The following PCDH15 variants were observed in gnomAD, a reference collection of about 807,000 sequenced individuals.
PCDH15 encodes the protein protocadherin-15.
Under a neutral mutation model 178.5 loss-of-function variants are expected in PCDH15, and 129 were observed. That is an observed-to-expected ratio of 0.72 (90% CI 0.63 to 0.84). The LOEUF (loss-of-function observed/expected upper bound fraction) is 0.84, where lower values mean the gene tolerates loss of function less well. Ranked by LOEUF, PCDH15 falls within the 40% of genes least tolerant of loss-of-function variation. PCDH15 has a pLI of 0.00. For missense variants in PCDH15, 2,230 were observed against 2,099.9 expected (o/e 1.06, Z -1.21); for synonymous variants, 800 against 732.0 (o/e 1.09, Z -1.50).
At chr10:54,019,225 A>G (rs2135269694) in intron 20 of PCDH15, among the ~76,000 whole-genome samples, 1 of 152,238 alleles carries the variant, frequency 6.6e-6, no homozygotes, top group Admixed American at 6.5e-5. Context: ...TTTACAATGT[A>G]CCATGATAGT....
chr10:53,959,059 G>C (rs1280928283), intron 23 of PCDH15, among the ~76,000 whole-genome samples: 1 of 147,962 alleles, frequency 6.8e-6, no homozygotes, highest in African/African-American at 2.5e-5. Context: ...TGTTATGGCT[G>C]CCTCAGTTGA....
chr10:54,002,197 C>G (rs1039845159), intron 20 of PCDH15, among the ~76,000 whole-genome samples: 4 of 151,212 alleles, frequency 2.6e-5, no homozygotes, highest in Non-Finnish European at 5.9e-5. Flanking sequence ...ATATATAAAG[C>G]GAATATTATT....
At position 54,195,845 on chromosome 10, in the gene PCDH15, T is replaced by C; in HGVS notation, c.1143A>G (p.Leu381=). The C allele has an allele frequency of 6.2e-7, 1 of 1,614,058 alleles. No homozygotes were observed. Residue 381 remains leucine, a synonymous_variant, in exon 11 of 38, where the codon CTA becomes CTG. Transcript: ENST00000644397. ...NGHPLPAFAG[L]HIEILDENNQ... ...TGTTTTCATCCAGTATTTCAATGTG[T>C]AGACCGGCAAAGGCAGGAAGAGGAT...
chr10:54,915,679 C>T (rs1261311472), intron 2 of PCDH15, among the ~76,000 whole-genome samples: 1 of 152,104 alleles, frequency 6.6e-6, no homozygotes, highest in Non-Finnish European at 1.5e-5. Context: ...AAGTATATTT[C>T]AAGGACAGGC....
intron 6 of PCDH15, among the ~76,000 whole-genome samples, chr10:54,334,682 AACACACACACACAC>A (rs3069761): frequency 0.011 from 1,664 of 150,154 alleles, 29 homozygotes; most frequent in African/African-American, 0.034. Context: ...ATTTCTAAAG[AACACACACACACAC>A]ACACACACAC....
At chr10:54,708,550 T>A (rs1303945188) in intron 1 of PCDH15, among the ~76,000 whole-genome samples, 1 of 152,222 alleles carries the variant, frequency 6.6e-6, no homozygotes, top group Admixed American at 6.5e-5. Flanking sequence ...TGACATTCTA[T>A]TACAGCAGCC....
intron 2 of PCDH15, among the ~76,000 whole-genome samples, chr10:55,093,746 G>C (rs7089547): frequency 0.46 from 69,172 of 151,996 alleles, 19,632 homozygotes; most frequent in African/African-American, 0.8. Context: ...TGAATAGACA[G>C]TTCTCAAAAG....
At chr10:55,161,197 C>CA (rs1460753477) in intron 2 of PCDH15, among the ~76,000 whole-genome samples, 1 of 152,050 alleles carries the variant, frequency 6.6e-6, no homozygotes, top group Non-Finnish European at 1.5e-5. Flanking sequence ...TTATTCTCTG[C>CA]AAAAAGTTAT....
chr10:54,965,509 C>A (rs969375774), intron 2 of PCDH15, among the ~76,000 whole-genome samples: 5 of 151,592 alleles, frequency 3.3e-5, no homozygotes, highest in Admixed American at 1.3e-4. Context: ...AACTGTGAAT[C>A]CATTAAAACT....
At chr10:54,259,478 G>A (rs556051316) in intron 8 of PCDH15, among the ~76,000 whole-genome samples, 9 of 152,244 alleles carry the variant, frequency 5.9e-5, no homozygotes, top group African/African-American at 1.9e-4. Flanking sequence ...TCCCAAATAT[G>A]TTACAAGAAG....
rs36086266 is a variant in PCDH15, at chr10:54,202,812, CA to C, written c.1099-6924del. Among the ~76,000 whole-genome samples the C allele has an allele frequency of 1.8e-3, 186 of 106,140 alleles. 1 individual carries two copies. The highest frequency in any genetic ancestry group is 5.5e-3 in the Middle Eastern group (1 of 182). The allele number at this position is 106,140 out of a possible 152,430, so 69.6% of individuals were successfully genotyped here. On this transcript the variant is annotated intron_variant, in intron 10 of 37. Transcript: ENST00000644397. ...GAGCAACAAGAGCGAAACCCCACCT[CA>C]AAAAAAAAAAAAAAAAAAGTAGTTT...
At chr10:53,816,987 A>G (rs192586473) in intron 34 of PCDH15, among the ~76,000 whole-genome samples, 33 of 152,302 alleles carry the variant, frequency 2.2e-4, no homozygotes, top group Admixed American at 2.0e-3. Flanking sequence ...AAGATACACA[A>G]TTCAAATTTT....
intron 10 of PCDH15, among the ~76,000 whole-genome samples, chr10:54,210,100 A>G (rs2051250289): frequency 6.6e-6 from 1 of 152,140 alleles, no homozygotes; most frequent in South Asian, 2.1e-4. Context: ...TTTAGAAGAA[A>G]CACATTTTTT....
intron 2 of PCDH15, among the ~76,000 whole-genome samples, chr10:54,622,709 T>A (rs1344313521): frequency 3.3e-5 from 1 of 30,722 alleles, no homozygotes; most frequent in African/African-American, 1.2e-4. Flanking sequence ...TTTCTATATA[T>A]TATATATAAT....
At chr10:54,733,999 AC>A (rs1943746932) in intron 1 of PCDH15, among the ~76,000 whole-genome samples, 1 of 151,604 alleles carries the variant, frequency 6.6e-6, no homozygotes, top group Non-Finnish European at 1.5e-5. Flanking sequence ...ACAAAAAAAA[AC>A]AAAGAAAATT....
intron 26 of PCDH15, among the ~76,000 whole-genome samples, chr10:53,873,742 C>G (rs1007792621): frequency 1.3e-5 from 2 of 152,140 alleles, no homozygotes; most frequent in Admixed American, 6.5e-5. Flanking sequence ...TATTTCTCCC[C>G]AAATTTATAT....
chr10:54,998,364 T>G lies in PCDH15; in HGVS notation c.-79-100864A>C. Among the ~76,000 whole-genome samples, 2 of 152,038 alleles carry G rather than the reference T, an allele frequency of 1.3e-5. 1 individual carries two copies. On this transcript the variant is annotated intron_variant, in intron 2 of 5. Coordinates refer to the PCDH15 transcript ENST00000458638. ...GTAACTAACCTGCACATTGTGCACA[T>G]GTATCCTGAAACTTAAAGTATAAAT... is the stretch of plus-strand genomic sequence containing the variant.
chr10:55,344,442 C>G (rs1844688461), intron 2 of PCDH15, among the ~76,000 whole-genome samples: 1 of 152,026 alleles, frequency 6.6e-6, no homozygotes, highest in Non-Finnish European at 1.5e-5. Flanking sequence ...GCAGAGATGA[C>G]AGTGACTAGG....
chr10:55,203,766 T>C (rs1840316888), intron 1 of PCDH15, among the ~76,000 whole-genome samples: 1 of 152,154 alleles, frequency 6.6e-6, no homozygotes, highest in Admixed American at 6.5e-5. Flanking sequence ...CTGGAGAGCA[T>C]AGCCTGGGAT....
Sources: allele counts gnomAD v4.1 joint callset (sites outside exome capture counted in the v4.1 genomes callset), GRCh38; gene constraint gnomAD v4.1.1; transcripts MANE v1.5; gene names NCBI Gene and HGNC (gene_info 2026-07-23, HGNC 2026-07-21).